GPHN: variants seen among roughly 807,000 people sequenced by gnomAD.
GPHN encodes gephyrin.
Under a neutral mutation model 95.5 loss-of-function variants are expected in GPHN, and 17 were observed. The observed-to-expected ratio is 0.18, with a 90% CI of 0.12 to 0.27. The LOEUF (loss-of-function observed/expected upper bound fraction) is 0.27. Ranked by LOEUF, GPHN falls within the 10% of genes least tolerant of loss-of-function variation. The probability of loss-of-function intolerance (pLI) is 1.00; values close to 1 mark genes in which losing one functional copy is unlikely to be tolerated. For missense variants in GPHN, 660 were observed against 978.1 expected, an observed-to-expected ratio of 0.67 and a Z score of 4.34; for synonymous variants, 320 against 322.5, an observed-to-expected ratio of 0.99 and a Z score of 0.08.
chr14:66,569,802 T>C (rs532296875), intron 1 of GPHN, among the ~76,000 whole-genome samples: 4 of 152,184 alleles, frequency 2.6e-5, no homozygotes, highest in Non-Finnish European at 4.4e-5. Context: ...TTATTTGTTG[T>C]GAAAACAGTT....
intron 3 of GPHN, among the ~76,000 whole-genome samples, chr14:66,791,196 C>T (rs955604049): frequency 2.9e-4 from 44 of 152,168 alleles, no homozygotes; most frequent in African/African-American, 1.1e-3. Flanking sequence ...TACCTGGGTA[C>T]CCCACCACTT....
chr14:67,627,253 GGA>G, the GPHN span, among the ~76,000 whole-genome samples: 2 of 51,626 alleles, frequency 3.9e-5, no homozygotes, highest in South Asian at 8.6e-4. Flanking sequence ...TGATCAGTAA[GGA>G]GATATATATA....
At chr14:66,924,413 C>T (rs530766507) in intron 8 of GPHN, 121 bp downstream of exon 8, 1 of 712,860 alleles carries the variant, frequency 1.4e-6, no homozygotes, top group Admixed American at 2.0e-5. Flanking sequence ...TTCAGCCTTG[C>T]TTTCTTGTGA....
At chr14:67,597,761 A>T in the GPHN span, among the ~76,000 whole-genome samples, 4 of 57,190 alleles carry the variant, frequency 7.0e-5, no homozygotes, top group Non-Finnish European at 1.8e-4. Context: ...AGAAAAGTTT[A>T]AAAAAAAAAA....
At chr14:67,662,539 G>A in the GPHN span, 2 of 1,607,656 alleles carry the variant, frequency 1.2e-6, no homozygotes, top group Non-Finnish European at 1.7e-6. Flanking sequence ...TTTTCTTCTA[G>A]AAAAGATAGA....
chr14:67,097,322 G>A (rs557563170), intron 12 of GPHN, among the ~76,000 whole-genome samples: 1 of 152,320 alleles, frequency 6.6e-6, no homozygotes, highest in East Asian at 1.9e-4. Flanking sequence ...GCTTTAAGTA[G>A]TGGAAGTAGC....
intron 11 of GPHN, among the ~76,000 whole-genome samples, chr14:67,087,540 G>GGAGT (rs1315380415): frequency 7.2e-5 from 11 of 152,124 alleles, no homozygotes; most frequent in African/African-American, 2.7e-4. Flanking sequence ...CAACATCCTA[G>GGAGT]GAGTATCTGA....
At chr14:67,504,711 C>G in the GPHN span, among the ~76,000 whole-genome samples, 1 of 152,220 alleles carries the variant, frequency 6.6e-6, no homozygotes, top group Non-Finnish European at 1.5e-5. Flanking sequence ...TTGGTGAAAC[C>G]CTGTCTCTAC....
chr14:67,626,840 T>C, the GPHN span, among the ~76,000 whole-genome samples: 208 of 152,332 alleles, frequency 1.4e-3, no homozygotes, highest in African/African-American at 4.1e-3. Context: ...ATTAATTGAA[T>C]AGGGGAGGAA....
the GPHN span, among the ~76,000 whole-genome samples, chr14:67,451,273 G>A: frequency 3.3e-5 from 5 of 152,346 alleles, no homozygotes; most frequent in Non-Finnish European, 7.4e-5. Flanking sequence ...GAAATGTGGA[G>A]TCAGAGCCTC....
At chr14:67,256,952 C>T in the GPHN span, among the ~76,000 whole-genome samples, 2 of 152,160 alleles carry the variant, frequency 1.3e-5, no homozygotes, top group African/African-American at 4.8e-5. Flanking sequence ...AGGCTAAGGA[C>T]GCGGCTGTGA....
At chr14:67,207,848 C>G in the GPHN span, among the ~76,000 whole-genome samples, 1 of 152,164 alleles carries the variant, frequency 6.6e-6, no homozygotes, top group African/African-American at 2.4e-5. Context: ...TAATTAAGAC[C>G]AAACTCAGAC....
chr14:66,891,471 C>T (rs1291172476), intron 5 of GPHN, among the ~76,000 whole-genome samples: 1 of 151,854 alleles, frequency 6.6e-6, no homozygotes, highest in Non-Finnish European at 1.5e-5. Context: ...GGACCTTTGC[C>T]TACTGAATAT....
chr14:66,644,852 G>A (rs1203715161), intron 1 of GPHN, among the ~76,000 whole-genome samples: 3 of 151,998 alleles, frequency 2.0e-5, no homozygotes, highest in African/African-American at 4.8e-5. Context: ...TTTTGAATAA[G>A]CTAATGATTA....
chr14:67,365,201 A>T, the GPHN span, among the ~76,000 whole-genome samples: 1 of 152,250 alleles, frequency 6.6e-6, no homozygotes, highest in Non-Finnish European at 1.5e-5. Context: ...TAGTTTAATT[A>T]GTACATCCTA....
the GPHN span, among the ~76,000 whole-genome samples, chr14:67,287,525 G>C: frequency 6.6e-6 from 1 of 152,146 alleles, no homozygotes. Context: ...TATCATACCA[G>C]ATCCCAAAAA....
chr14:66,627,803 T>G (rs1230474137), intron 1 of GPHN, among the ~76,000 whole-genome samples: 1 of 152,110 alleles, frequency 6.6e-6, no homozygotes, highest in East Asian at 1.9e-4. Context: ...GAAGAGCAAA[T>G]TATTTGTTCT....
chr14:67,231,172 T>G, the GPHN span, among the ~76,000 whole-genome samples: 23,829 of 152,142 alleles, frequency 0.16, 3,528 homozygotes, highest in East Asian at 0.42. Flanking sequence ...AACAGGTTGG[T>G]TACATGCTAT....
At chr14:67,169,612 G>T (rs1159859157) in intron 21 of GPHN, among the ~76,000 whole-genome samples, 10 of 152,172 alleles carry the variant, frequency 6.6e-5, no homozygotes, top group Admixed American at 2.6e-4. Flanking sequence ...ACTTCAATGT[G>T]ATTTACTACT....
Sources: gnomAD v4.1 joint callset for allele counts (sites outside exome capture counted in the v4.1 genomes callset) on GRCh38, gnomAD v4.1.1 for gene constraint, MANE v1.5 for transcripts, NCBI Gene and HGNC (gene_info 2026-07-23, HGNC 2026-07-21) for gene names.